Variants in TMCO5A observed in about 807,000 individuals in gnomAD.
TMCO5A encodes transmembrane and coiled-coil domains 5A, also known as transmembrane and coiled-coil domain-containing protein 5A.
Under a neutral mutation model 42.3 loss-of-function variants are expected in TMCO5A, and 34 were observed. That is an observed-to-expected ratio of 0.80 (90% CI 0.61 to 1.07). TMCO5A has a LOEUF of 1.07. TMCO5A is among the 50% of genes least tolerant of loss of function. The pLI is 0.00. For missense variants in TMCO5A, 357 were observed against 327.9 expected (o/e 1.09, Z -0.69); for synonymous variants, 131 against 115.6 (o/e 1.13, Z -0.86).
At chr15:37,978,860 C>G in the TMCO5A span, among the ~76,000 whole-genome samples, 1 of 152,074 alleles carries the variant, frequency 6.6e-6, no homozygotes, top group Non-Finnish European at 1.5e-5. Context: ...TCTGGGGAGG[C>G]CTCAGGGAGC....
chr15:37,959,139 A>T (rs1449411694), intron 11 of TMCO5A, among the ~76,000 whole-genome samples: 2 of 152,132 alleles, frequency 1.3e-5, no homozygotes, highest in East Asian at 3.9e-4. Context: ...TAGGGGAGGG[A>T]TAGCATTAGG....
chr15:38,027,425 G>A, the TMCO5A span, among the ~76,000 whole-genome samples: 3 of 152,162 alleles, frequency 2.0e-5, no homozygotes, highest in Non-Finnish European at 4.4e-5. Context: ...TGGAATGGCT[G>A]TATTTACCCA....
the TMCO5A span, among the ~76,000 whole-genome samples, chr15:37,980,302 T>C: frequency 6.6e-6 from 1 of 152,086 alleles, no homozygotes; most frequent in Admixed American, 6.5e-5. Flanking sequence ...AGAGCTGCAA[T>C]AGCTGGTGCC....
At chr15:37,941,046 G>T (rs2140264908) in intron 6 of TMCO5A, 103 bp from the exon 7 acceptor site, 2 of 1,013,750 alleles carry the variant, frequency 2.0e-6, no homozygotes, top group Non-Finnish European at 1.5e-6. Context: ...TGAAGTCATG[G>T]CCCTGAGGCT....
At chr15:38,016,832 C>T in the TMCO5A span, among the ~76,000 whole-genome samples, 1 of 152,138 alleles carries the variant, frequency 6.6e-6, no homozygotes, top group Non-Finnish European at 1.5e-5. Context: ...ACACCCATAA[C>T]TACTAGTAGG....
chr15:37,995,751 A>T, the TMCO5A span, among the ~76,000 whole-genome samples: 2 of 152,088 alleles, frequency 1.3e-5, no homozygotes, highest in African/African-American at 2.4e-5. Context: ...TGGCTGCTCT[A>T]TGAGGACTCA....
chr15:37,991,340 C>A, the TMCO5A span, among the ~76,000 whole-genome samples: 1 of 152,038 alleles, frequency 6.6e-6, no homozygotes, highest in Non-Finnish European at 1.5e-5. Context: ...CTGGAAACAT[C>A]TTCATTTCTC....
At chr15:37,983,801 T>G in the TMCO5A span, among the ~76,000 whole-genome samples, 1 of 150,806 alleles carries the variant, frequency 6.6e-6, no homozygotes, top group African/African-American at 2.4e-5. Context: ...CTCGGCTCAC[T>G]GCAACCTCCG....
chr15:37,935,708 G>T (rs1010059856), intron 2 of TMCO5A, among the ~76,000 whole-genome samples: 2 of 152,066 alleles, frequency 1.3e-5, no homozygotes, highest in Non-Finnish European at 2.9e-5. Flanking sequence ...CTTCAAAAAA[G>T]ATATTTGCAT....
intron 8 of TMCO5A, 93 bp from the exon 9 acceptor site, chr15:37,942,098 C>T: frequency 8.5e-7 from 1 of 1,173,136 alleles, no homozygotes; most frequent in South Asian, 1.4e-5. Flanking sequence ...ACCAAGCATT[C>T]ATGGTATCAT....
In TMCO5A at chr15:37,951,044, G is replaced by T; in HGVS notation, c.677G>T (p.Cys226Phe). ...TARLFSKKIF[C>F]CLFFITLFFI... ...TGGCATTCTCTTTTTAGGATTTTTT[G>T]CTGTCTCTTTTTCATCACCCTATTT... Residue 226 changes from cysteine (C) to phenylalanine (F), a missense_variant, in exon 12 of 12, where the codon TGC becomes TTC. Coordinates refer to ENST00000319669, the MANE Select transcript of TMCO5A (RefSeq NM_152453.4). 1 of 1,609,912 alleles carries T rather than the reference G, an allele frequency of 6.2e-7. No homozygotes were observed. Among genetic ancestry groups the T allele is most frequent in the South Asian group, 1.1e-5 (1 of 90,434 alleles).
At chr15:38,004,503 A>AC in the TMCO5A span, among the ~76,000 whole-genome samples, 1 of 151,872 alleles carries the variant, frequency 6.6e-6, no homozygotes, top group Non-Finnish European at 1.5e-5. Flanking sequence ...TTTATTTTGA[A>AC]CCCCACAGCA....
chr15:38,040,393 ATTC>A, the TMCO5A span: 69 of 152,326 alleles, frequency 4.5e-4, no homozygotes, highest in African/African-American at 1.4e-3. Flanking sequence ...TCACAGTCCC[ATTC>A]TTCTGCAGGC....
chr15:38,026,216 T>C, the TMCO5A span, among the ~76,000 whole-genome samples: 3 of 152,298 alleles, frequency 2.0e-5, no homozygotes, highest in South Asian at 6.2e-4. Flanking sequence ...AGTTTGGAAC[T>C]TCCTAGAGAT....
downstream of TMCO5A, among the ~76,000 whole-genome samples, chr15:37,953,732 C>A (rs1217625148): frequency 1.3e-5 from 2 of 151,954 alleles, no homozygotes; most frequent in African/African-American, 2.4e-5. Flanking sequence ...CACCAGGGAC[C>A]AATCCTGGAG....
At chr15:37,975,199 A>T in the TMCO5A span, among the ~76,000 whole-genome samples, 1 of 145,174 alleles carries the variant, frequency 6.9e-6, no homozygotes, top group Non-Finnish European at 1.5e-5. Flanking sequence ...TGCAAAGGAG[A>T]AAAACGTATA....
the TMCO5A span, among the ~76,000 whole-genome samples, chr15:37,984,150 G>A: frequency 6.6e-6 from 1 of 152,208 alleles, no homozygotes; most frequent in East Asian, 1.9e-4. Flanking sequence ...AGTAAGGGGG[G>A]CAGGGTAGAG....
chr15:38,032,584 T>C, the TMCO5A span, among the ~76,000 whole-genome samples: 4 of 152,192 alleles, frequency 2.6e-5, no homozygotes, highest in Non-Finnish European at 5.9e-5. Context: ...AATTTCTGTC[T>C]TTTCCACTGA....
At chr15:37,994,312 G>A in the TMCO5A span, among the ~76,000 whole-genome samples, 6 of 152,072 alleles carry the variant, frequency 3.9e-5, no homozygotes, top group Non-Finnish European at 5.9e-5. Context: ...TGCAAGATCC[G>A]GCTAAGAGAG....
Sources: gnomAD v4.1 joint callset for allele counts (sites outside exome capture counted in the v4.1 genomes callset) on GRCh38, gnomAD v4.1.1 for gene constraint, MANE v1.5 for transcripts, NCBI Gene and HGNC (gene_info 2026-07-23, HGNC 2026-07-21) for gene names.